Variants in CCDC191 observed in about 807,000 individuals in gnomAD.
The protein encoded by CCDC191 is coiled-coil domain-containing protein 191.
CCDC191 carries 99 observed loss-of-function variants against 114.0 expected under a neutral mutation model. The ratio of observed to expected loss-of-function variants is 0.87; its 90% CI spans 0.74 to 1.03. The LOEUF (loss-of-function observed/expected upper bound fraction) is 1.03. Among genes scored for constraint, CCDC191 ranks in the 50% least tolerant of loss-of-function variants. CCDC191 has a pLI of 0.00. For synonymous variants in CCDC191, 351 were observed against 376.0 expected, an observed-to-expected ratio of 0.93 and a Z score of 0.77; for missense variants, 973 against 1,087.0, an observed-to-expected ratio of 0.90 and a Z score of 1.47.
intron 2 of CCDC191, among the ~76,000 whole-genome samples, chr3:114,049,170 T>G (rs1285105549): frequency 1.3e-5 from 2 of 152,214 alleles, no homozygotes; most frequent in Non-Finnish European, 2.9e-5. Flanking sequence ...GAAGAAAACA[T>G]GATCTCATTA....
chr3:113,992,439 C>A (rs58141124), intron 13 of CCDC191, among the ~76,000 whole-genome samples: 1 of 152,154 alleles, frequency 6.6e-6, no homozygotes, highest in Non-Finnish European at 1.5e-5. Flanking sequence ...AACCAATAAA[C>A]AACCAAATGA....
intron 13 of CCDC191, among the ~76,000 whole-genome samples, chr3:113,987,813 G>C (rs997921916): frequency 6.6e-5 from 10 of 152,164 alleles, no homozygotes; most frequent in African/African-American, 2.4e-4. Context: ...GGAGGCCAAG[G>C]CAGGTGGATC....
chr3:114,047,904 G>A (rs2076651397), intron 2 of CCDC191, among the ~76,000 whole-genome samples: 1 of 152,108 alleles, frequency 6.6e-6, no homozygotes, highest in Non-Finnish European at 1.5e-5. Flanking sequence ...GAACCCGGGA[G>A]GCAGAGGTTG....
At position 113,978,270 on chromosome 3, in the gene CCDC191, ATCT is replaced by A. The variant is rs779707287; in HGVS notation, c.2519_2521del (p.Lys840del). 2 of 1,614,050 alleles carry A rather than the reference ATCT, an allele frequency of 1.2e-6. No individual in the cohort carries two copies. Among genetic ancestry groups the A allele is most frequent in the Admixed American group, 1.7e-5 (1 of 60,002 alleles). ...GACCATGTTAAACCAGGCCCTGAAAATCTTCTTTTGAAGAAAATGTACACAAAA... is the reference window on the plus strand; with the variant it reads ...GACCATGTTAAACCAGGCCCTGAAAATCTTTTGAAGAAAATGTACACAAAA... On this transcript the variant is annotated inframe_deletion, in exon 16 of 17. Coordinates refer to ENST00000295878, the MANE Select transcript of CCDC191 (RefSeq NM_020817.2).
At position 114,005,695 on chromosome 3, in the gene CCDC191, G is replaced by C; in HGVS notation, c.1681C>G (p.Gln561Glu). 2 of 1,614,160 alleles carry C rather than the reference G, an allele frequency of 1.2e-6. No homozygotes were observed. Among genetic ancestry groups the C allele is most frequent in the East Asian group, 4.5e-5 (2 of 44,888 alleles). The stretch of plus-strand genomic sequence containing the variant: ...TTCTTCTTTTGCTTCTCAATCAGCT[G>C]TTGCTGGAAGACATGGCGGTTGTGG... Reference protein sequence around the residue: ...HFHNRHVFQQQLIEKQKKKLQ... With the variant: ...HFHNRHVFQQELIEKQKKKLQ... Residue 561 changes from glutamine to glutamate, a missense_variant, in exon 10 of 17, where the codon CAG becomes GAG. Coordinates refer to ENST00000295878, the MANE Select transcript of CCDC191 (RefSeq NM_020817.2).
chr3:113,973,477 C>T lies in CCDC191; in HGVS notation c.2606+4709G>A, dbSNP rs146723146. Among the ~76,000 whole-genome samples, 720 of 151,912 alleles carry T rather than the reference C, an allele frequency of 4.7e-3. 7 individuals are homozygous for T. The highest frequency in any genetic ancestry group is 0.017 in the African/African-American group (685 of 41,444). ...GATTGAAGAACTCCCTTTAACATTT[C>T]TTGTAAGATGGGTCTGGTGGTGGTG... On this transcript the variant is annotated intron_variant, in intron 16 of 16. Coordinates refer to ENST00000295878, the MANE Select transcript of CCDC191 (RefSeq NM_020817.2).
chr3:114,027,675 T>A (rs1191980465), intron 7 of CCDC191, among the ~76,000 whole-genome samples: 1 of 148,964 alleles, frequency 6.7e-6, no homozygotes, highest in African/African-American at 2.5e-5. Flanking sequence ...TAAAGGAACC[T>A]AAACTATAGC....
rs149814786 is a variant in CCDC191 at position 114,001,050 on chromosome 3, A to G, written c.2163+545T>C. 5.8e-3 allele frequency among the ~76,000 whole-genome samples: 883 copies of G among 152,296 alleles called. 6 individuals are homozygous for G. The highest frequency in any genetic ancestry group is 0.02 in the African/African-American group (811 of 41,560). ...ATTTTTAGGCCTTATCTTCCCAAGCAGAATTTAATAACCTTAGAGTAAGAG... is the reference window on the plus strand; with the variant it reads ...ATTTTTAGGCCTTATCTTCCCAAGCGGAATTTAATAACCTTAGAGTAAGAG... On this transcript the variant is annotated intron_variant, in intron 13 of 16. Transcript: ENST00000295878.
In CCDC191 at chr3:114,006,605, TATATATATATATAA is replaced by T. The variant is rs1190977152; in HGVS notation, c.1414-657_1414-644del. On this transcript the variant is annotated intron_variant, in intron 9 of 16. Coordinates refer to ENST00000295878, the MANE Select transcript of CCDC191 (RefSeq NM_020817.2). ...TACTCCAGATATATATATATATATATATATATATATATAAATATATATATTTTATATATAAAAAA... is the reference window on the plus strand; with the variant it reads ...TACTCCAGATATATATATATATATATATATATATATTTTATATATAAAAAA... Among the ~76,000 whole-genome samples, 455 of 133,900 alleles carry T rather than the reference TATATATATATATAA, an allele frequency of 3.4e-3. 1 individual carries two copies. The highest frequency in any genetic ancestry group is 3.8e-3 in the Non-Finnish European group (243 of 64,136). 87.8% of individuals were successfully genotyped at this position (133,900 alleles called of 152,430 possible). A position where few individuals can be genotyped will look rare whatever the true frequency, so the allele number is the denominator to read the frequency against.
intron 8 of CCDC191, among the ~76,000 whole-genome samples, chr3:114,016,535 T>C (rs1015593028): frequency 2.6e-5 from 4 of 152,220 alleles, no homozygotes; most frequent in Non-Finnish European, 1.5e-5. Context: ...TAAAGCTTTA[T>C]AGTAAAAAAT....
At chr3:114,042,242 G>T (rs1344645397) in intron 4 of CCDC191, among the ~76,000 whole-genome samples, 1 of 151,842 alleles carries the variant, frequency 6.6e-6, no homozygotes, top group Non-Finnish European at 1.5e-5. Context: ...TCAACCAACT[G>T]CAGTTCAAAA....
At position 113,980,679 on chromosome 3, in the gene CCDC191, A is replaced by C; in HGVS notation, c.2278T>G (p.Leu760Val). Residue 760 changes from leucine (L) to valine (V), a missense_variant, in exon 14 of 17, where the codon TTG becomes GTG. Transcript: ENST00000295878. Reference sequence around the variant, plus strand: ...ATGTTTTGTTTGCTTTGCATTCTCAATCTCTTCCAAGGCTCTAGACCTTTT... The same window carrying C: ...ATGTTTTGTTTGCTTTGCATTCTCACTCTCTTCCAAGGCTCTAGACCTTTT... ...RKKGLEPWKR[L>V]RMQSKQNIQV... 2 of 1,595,964 alleles carry C rather than the reference A, an allele frequency of 1.3e-6. No homozygotes were observed. Among genetic ancestry groups the C allele is most frequent in the South Asian group, 1.2e-5 (1 of 86,456 alleles).
chr3:114,024,545 T>C (rs1225492480), intron 7 of CCDC191, among the ~76,000 whole-genome samples: 1 of 152,208 alleles, frequency 6.6e-6, no homozygotes, highest in African/African-American at 2.4e-5. Flanking sequence ...TTCATGTCCT[T>C]TGTAGGGACA....
At chr3:113,978,556 A>C (rs1486362198) in intron 15 of CCDC191, 6 of 598,692 alleles carry the variant, frequency 1.0e-5, no homozygotes, top group South Asian at 2.3e-5. Flanking sequence ...TGAAGGGGTA[A>C]GTTTCTAAAT....
intron 13 of CCDC191, among the ~76,000 whole-genome samples, chr3:113,987,912 G>A (rs1428097506): frequency 6.6e-6 from 1 of 151,010 alleles, no homozygotes; most frequent in Non-Finnish European, 1.5e-5. Flanking sequence ...CGTGTTGGTG[G>A]GTGCCTGTAA....
intron 2 of CCDC191, among the ~76,000 whole-genome samples, chr3:114,049,048 C>T (rs1440533319): frequency 2.0e-5 from 3 of 152,158 alleles, no homozygotes; most frequent in African/African-American, 2.4e-5. Flanking sequence ...AATTCTTGTG[C>T]GTTTCATACA....
At chr3:114,039,609 T>C (rs909282652) in intron 4 of CCDC191, 1 of 152,176 alleles carries the variant, frequency 6.6e-6, no homozygotes, top group African/African-American at 2.4e-5. Flanking sequence ...TGCTTGTTAT[T>C]GCCCCTGAAG....
chr3:113,980,851 A>G (rs886636907), intron 13 of CCDC191, 58 bp from the exon 14 acceptor site: 43 of 1,471,808 alleles, frequency 2.9e-5, no homozygotes, highest in Admixed American at 8.1e-5. Flanking sequence ...TTTCATTTCA[A>G]TGAAAAGCTA....
chr3:114,043,599 A>G (rs2076592398), intron 3 of CCDC191, among the ~76,000 whole-genome samples: 1 of 152,194 alleles, frequency 6.6e-6, no homozygotes. Context: ...ACACAATTCT[A>G]GCTACTTTGG....
Sources: allele counts gnomAD v4.1 joint callset (sites outside exome capture counted in the v4.1 genomes callset), GRCh38; gene constraint gnomAD v4.1.1; transcripts MANE v1.5; gene names NCBI Gene and HGNC (gene_info 2026-07-23, HGNC 2026-07-21).